NRXN1: variants seen among roughly 807,000 people sequenced by gnomAD.
NRXN1 encodes neurexin-1.
In NRXN1, 39 loss-of-function variants were observed where a neutral mutation model predicts 150.9. The observed-to-expected ratio is 0.26, with a 90% CI of 0.20 to 0.34. The LOEUF is 0.34. Ranked by LOEUF, NRXN1 falls within the 10% of genes least tolerant of loss-of-function variation. The pLI is 1.00. For synonymous variants in NRXN1, 924 were observed against 757.0 expected, an observed-to-expected ratio of 1.22 and a Z score of -3.62; for missense variants, 1,815 against 1,949.9, an observed-to-expected ratio of 0.93 and a Z score of 1.30.
intron 21 of NRXN1, among the ~76,000 whole-genome samples, chr2:50,002,666 G>A (rs1200525646): frequency 6.6e-6 from 1 of 152,062 alleles, no homozygotes; most frequent in East Asian, 1.9e-4. Flanking sequence ...TTTCTGATGA[G>A]CTTCTGTCAT....
intron 5 of NRXN1, among the ~76,000 whole-genome samples, chr2:50,789,053 T>A (rs548195450): frequency 1.3e-5 from 2 of 152,290 alleles, no homozygotes; most frequent in African/African-American, 4.8e-5. Context: ...GTAAGGCCCG[T>A]AGGTCCAAAC....
At chr2:49,995,694 T>C (rs1682824086) in intron 21 of NRXN1, among the ~76,000 whole-genome samples, 1 of 140,428 alleles carries the variant, frequency 7.1e-6, no homozygotes, top group South Asian at 2.3e-4. Context: ...GGCAGGAGAA[T>C]GGCGTAAACC....
chr2:50,545,607 T>C (rs1237919943), intron 9 of NRXN1, among the ~76,000 whole-genome samples: 1 of 152,196 alleles, frequency 6.6e-6, no homozygotes, highest in Non-Finnish European at 1.5e-5. Flanking sequence ...AATGCCAAGT[T>C]ATTGATTTCC....
intron 18 of NRXN1, among the ~76,000 whole-genome samples, chr2:50,163,180 A>ATG (rs2059465845): frequency 6.7e-6 from 1 of 148,374 alleles, no homozygotes; most frequent in Admixed American, 6.7e-5. Flanking sequence ...ATATATATAT[A>ATG]TATATAAAAC....
chr2:50,739,401 A>C (rs983526671), intron 5 of NRXN1: 2 of 226,934 alleles, frequency 8.8e-6, no homozygotes, highest in Non-Finnish European at 1.9e-5. Context: ...ATCCATTTAA[A>C]AATATTTGGA....
At chr2:50,312,674 G>T in intron 17 of NRXN1, 1 of 495,634 alleles carries the variant, frequency 2.0e-6, no homozygotes, top group Admixed American at 2.1e-5. Context: ...CAGTCCATCT[G>T]ATTTTTTGTC....
intron 17 of NRXN1, 140 bp from the exon 18 acceptor site, chr2:50,237,110 T>C: frequency 1.1e-6 from 1 of 895,066 alleles, no homozygotes; most frequent in South Asian, 1.4e-5. Flanking sequence ...TTCAATCAAA[T>C]GTGCTCAAGA....
At chr2:50,219,241 G>T (rs2063623275) in intron 18 of NRXN1, among the ~76,000 whole-genome samples, 1 of 151,742 alleles carries the variant, frequency 6.6e-6, no homozygotes, top group Non-Finnish European at 1.5e-5. Flanking sequence ...TTTGTTCTGT[G>T]AGTACACTAC....
At chr2:50,419,965 A>C (rs765636933) in intron 17 of NRXN1, among the ~76,000 whole-genome samples, 2 of 152,028 alleles carry the variant, frequency 1.3e-5, no homozygotes, top group Non-Finnish European at 2.9e-5. Context: ...AAAACAGAAC[A>C]CGTGATCTGG....
At chr2:50,619,718 TA>T (rs1679650559) in intron 8 of NRXN1, 1 of 401,408 alleles carries the variant, frequency 2.5e-6, no homozygotes, top group East Asian at 3.6e-5. Flanking sequence ...GTAAACCATT[TA>T]GCTCAACTTT....
At chr2:50,474,983 T>C (rs981601648) in intron 15 of NRXN1, among the ~76,000 whole-genome samples, 6 of 151,846 alleles carry the variant, frequency 4.0e-5, no homozygotes, top group African/African-American at 1.5e-4. Context: ...CCAAGGTGAG[T>C]TATAGAAAAA....
intron 2 of NRXN1, among the ~76,000 whole-genome samples, chr2:51,020,381 T>A (rs1669418939): frequency 6.6e-6 from 1 of 151,962 alleles, no homozygotes; most frequent in Admixed American, 6.6e-5. Context: ...TTACTTAGCT[T>A]GTCATAAAAT....
At chr2:50,029,771 A>T (rs543569116) in intron 21 of NRXN1, among the ~76,000 whole-genome samples, 1 of 152,298 alleles carries the variant, frequency 6.6e-6, no homozygotes, top group Admixed American at 6.5e-5. Context: ...TTGGGCTCTG[A>T]ATTTAATATG....
At chr2:50,925,456 C>T (rs895355225) in intron 3 of NRXN1, among the ~76,000 whole-genome samples, 1 of 151,760 alleles carries the variant, frequency 6.6e-6, no homozygotes, top group African/African-American at 2.4e-5. Context: ...ATTTATGTCT[C>T]TTACTTATAC....
chr2:50,592,108 C>T lies in NRXN1; in HGVS notation c.1320+27914G>A, dbSNP rs375527303. ...GTCATCGTGCTTCACTCTTTGCATG[C>T]GGCATCTCATTTAATCCTCACTATA... On this transcript the variant is annotated intron_variant, in intron 8 of 22. Transcript: ENST00000401669. Among the ~76,000 whole-genome samples, 63 of 152,338 alleles carry T rather than the reference C, an allele frequency of 4.1e-4. No homozygotes were observed. The South Asian group carries it at 7.5e-3, about 18-fold the overall frequency.
At position 50,531,259 on chromosome 2, in the gene NRXN1, T is replaced by C. The variant is rs1457374261; in HGVS notation, c.2315A>G (p.Asp772Gly). The C allele has an allele frequency of 6.2e-7, 1 of 1,613,498 alleles. No homozygotes were observed. The highest frequency in any genetic ancestry group is 2.2e-5 in the East Asian group (1 of 44,852). ...DSADTLRLELDAGRVKLTVNL... is the reference protein window; with the variant it reads ...DSADTLRLELGAGRVKLTVNL... ...GACCGTCAGTTTCACACGTCCTGCG[T>C]CTAGCTCCAGGCGGAGGGTGTCAGC... The change falls in exon 11 of 23, where the codon GAC (aspartate) becomes GGC (glycine). Residue 772 changes from aspartate to glycine, a missense_variant. Around this residue, in one of 6 missense-constraint regions of NRXN1, gnomAD observed 638 missense variants for 652.6 expected, o/e 0.98. Coordinates refer to ENST00000401669, the MANE Select transcript of NRXN1 (RefSeq NM_001330078.2).
At chr2:50,621,411 T>C (rs1487524312) in intron 6 of NRXN1, among the ~76,000 whole-genome samples, 162 bp from the exon 7 acceptor site, 1 of 152,114 alleles carries the variant, frequency 6.6e-6, no homozygotes, top group Non-Finnish European at 1.5e-5. Context: ...TTATTAAGCA[T>C]GTTAGTAACA....
chr2:50,720,459 C>G (rs1696495285), intron 5 of NRXN1, among the ~76,000 whole-genome samples: 1 of 152,132 alleles, frequency 6.6e-6, no homozygotes, highest in Admixed American at 6.5e-5. Flanking sequence ...TTAAGGGGCG[C>G]CTCCCCAGCA....
chr2:50,625,623 T>C (rs1174807874), intron 5 of NRXN1, among the ~76,000 whole-genome samples: 1 of 152,086 alleles, frequency 6.6e-6, no homozygotes, highest in Non-Finnish European at 1.5e-5. Context: ...TGGTTCAATA[T>C]TGGGCACAAG....
Sources: allele counts gnomAD v4.1 joint callset (sites outside exome capture counted in the v4.1 genomes callset), GRCh38; gene constraint gnomAD v4.1.1; regional missense constraint gnomAD v4.1.1; transcripts MANE v1.5; gene names NCBI Gene and HGNC (gene_info 2026-07-23, HGNC 2026-07-21).